The following BTG4 variants were observed in gnomAD, a reference collection of about 807,000 sequenced individuals.
BTG4 encodes the protein BTG anti-proliferation factor 4.
Under a neutral mutation model 19.3 loss-of-function variants are expected in BTG4, and 10 were observed. That is an observed-to-expected ratio of 0.52 (90% CI 0.32 to 0.88). The LOEUF is 0.88. BTG4 is among the 40% of genes least tolerant of loss of function. The pLI is 0.04. For missense variants in BTG4, 238 were observed against 281.9 expected (o/e 0.84, Z 1.11); for synonymous variants, 91 against 95.7 (o/e 0.95, Z 0.29).
intron 1 of BTG4, among the ~76,000 whole-genome samples, chr11:111,505,134 A>C (rs1436005229): frequency 6.6e-6 from 1 of 152,052 alleles, no homozygotes; most frequent in Non-Finnish European, 1.5e-5. Flanking sequence ...GTTCATAGGG[A>C]ACCAAAAAAA....
the BTG4 span, among the ~76,000 whole-genome samples, chr11:111,459,367 T>C: frequency 1.4e-4 from 21 of 152,368 alleles, no homozygotes; most frequent in African/African-American, 4.8e-4. Context: ...CCCCTTCTTT[T>C]AGAAGTTGTT....
chr11:111,502,931 CTTGT>C (rs1319922403), intron 1 of BTG4, among the ~76,000 whole-genome samples: 2 of 152,232 alleles, frequency 1.3e-5, no homozygotes, highest in African/African-American at 4.8e-5. Flanking sequence ...CCTTCCGTTA[CTTGT>C]TTATGACTTG....
the BTG4 span, among the ~76,000 whole-genome samples, chr11:111,450,159 C>G: frequency 6.6e-6 from 1 of 152,178 alleles, no homozygotes; most frequent in African/African-American, 2.4e-5. Flanking sequence ...GGTCATGACT[C>G]CAGGCTGCCC....
At chr11:111,503,739 T>G (rs976239758) in intron 1 of BTG4, among the ~76,000 whole-genome samples, 3 of 152,146 alleles carry the variant, frequency 2.0e-5, no homozygotes, top group African/African-American at 7.2e-5. Context: ...TCAAATGGTA[T>G]AAAACATGAA....
At position 111,504,353 on chromosome 11, in the gene BTG4, C is replaced by T. The variant is rs538955355; in HGVS notation, c.-26-5551G>A. The stretch of plus-strand genomic sequence containing the variant: ...CAAAACATTATCTAATAAAATTCTA[C>T]AGCCATACAATGTTGATTTGAACTC... On this transcript the variant is annotated intron_variant, in intron 1 of 4. Transcript: ENST00000692032. 1.6e-4 allele frequency among the ~76,000 whole-genome samples: 24 copies of T among 152,192 alleles called. No individual in the cohort carries two copies. The South Asian group carries it at 4.3e-3, about 28-fold the overall frequency.
intron 4 of BTG4, chr11:111,496,756 C>T (rs1408101305): frequency 6.1e-6 from 1 of 162,612 alleles, no homozygotes; most frequent in African/African-American, 2.4e-5. Context: ...TGTAAATATA[C>T]ATATTTTGAA....
the BTG4 span, chr11:111,455,017 T>TG: frequency 2.2e-6 from 1 of 456,402 alleles, no homozygotes; most frequent in South Asian, 1.5e-5. Context: ...CCAGCAGCTG[T>TG]GGGGAACAAG....
At chr11:111,440,777 C>A in the BTG4 span, among the ~76,000 whole-genome samples, 1 of 152,214 alleles carries the variant, frequency 6.6e-6, no homozygotes. Context: ...CCCATCCAGC[C>A]CTTGCAGAAT....
downstream of BTG4, among the ~76,000 whole-genome samples, chr11:111,490,781 G>A (rs1865369795): frequency 6.6e-6 from 1 of 152,190 alleles, no homozygotes; most frequent in Admixed American, 6.6e-5. Context: ...GTAAGTGTGT[G>A]GAAAAGCTGA....
At chr11:111,431,904 G>A in the BTG4 span, among the ~76,000 whole-genome samples, 1 of 152,166 alleles carries the variant, frequency 6.6e-6, no homozygotes, top group African/African-American at 2.4e-5. Flanking sequence ...TGCTTGGTTG[G>A]GATTCCCAGT....
At chr11:111,467,102 T>A (rs1264836639), downstream of BTG4, among the ~76,000 whole-genome samples, 1 of 152,254 alleles carries the variant, frequency 6.6e-6, no homozygotes, top group Admixed American at 6.5e-5. Context: ...ACAGGTAGAA[T>A]GAATTAGTCA....
At chr11:111,395,713 C>T in the BTG4 span, among the ~76,000 whole-genome samples, 1 of 152,244 alleles carries the variant, frequency 6.6e-6, no homozygotes, top group Non-Finnish European at 1.5e-5. Flanking sequence ...GTGGGGCCCA[C>T]AGGCTGTCTT....
At chr11:111,484,294 A>T (rs180810603) in intron 5 of BTG4, among the ~76,000 whole-genome samples, 1 of 152,320 alleles carries the variant, frequency 6.6e-6, no homozygotes, top group East Asian at 1.9e-4. Context: ...TACTCGTAAA[A>T]GTACACAGAA....
chr11:111,409,714 G>A, the BTG4 span, among the ~76,000 whole-genome samples: 4 of 152,112 alleles, frequency 2.6e-5, no homozygotes, highest in South Asian at 2.1e-4. Flanking sequence ...TAAGTCATGC[G>A]CACAGGACTC....
the BTG4 span, among the ~76,000 whole-genome samples, chr11:111,403,218 A>C: frequency 1.3e-5 from 2 of 152,206 alleles, no homozygotes; most frequent in East Asian, 3.8e-4. Context: ...CTCAGGTTAC[A>C]AAGATGAAAC....
At chr11:111,406,580 T>A in the BTG4 span, among the ~76,000 whole-genome samples, 1 of 152,230 alleles carries the variant, frequency 6.6e-6, no homozygotes, top group African/African-American at 2.4e-5. Flanking sequence ...ATAGGCACTA[T>A]TCCCTGGGGG....
At chr11:111,442,833 G>T in the BTG4 span, among the ~76,000 whole-genome samples, 1 of 152,164 alleles carries the variant, frequency 6.6e-6, no homozygotes, top group African/African-American at 2.4e-5. Context: ...ACATGCAGAA[G>T]AATCTCAAAT....
chr11:111,391,639 G>C, the BTG4 span, among the ~76,000 whole-genome samples: 1 of 152,002 alleles, frequency 6.6e-6, no homozygotes, highest in Non-Finnish European at 1.5e-5. Context: ...CCTTGGAACT[G>C]TGTTCCAAGC....
chr11:111,410,461 A>G, the BTG4 span, among the ~76,000 whole-genome samples: 1 of 152,170 alleles, frequency 6.6e-6, no homozygotes, highest in Admixed American at 6.6e-5. Flanking sequence ...TTTCATTTCC[A>G]CAACCCTATA....
Sources: gnomAD v4.1 joint callset for allele counts (sites outside exome capture counted in the v4.1 genomes callset) on GRCh38, gnomAD v4.1.1 for gene constraint, MANE v1.5 for transcripts, NCBI Gene and HGNC (gene_info 2026-07-23, HGNC 2026-07-21) for gene names.